The following VAV2 variants were observed in gnomAD, a reference collection of about 807,000 sequenced individuals.
VAV2 encodes the protein guanine nucleotide exchange factor VAV2.
VAV2 carries 67 observed loss-of-function variants against 132.5 expected under a neutral mutation model. That is an observed-to-expected ratio of 0.51 (90% CI 0.42 to 0.62). VAV2 has a LOEUF of 0.62. Among genes scored for constraint, VAV2 ranks in the 20% least tolerant of loss-of-function variants. VAV2 has a pLI of 0.00. For synonymous variants in VAV2, 492 were observed against 443.5 expected (o/e 1.11, Z -1.37); for missense variants, 938 against 1,153.6 (o/e 0.81, Z 2.71).
chr9:133,947,010 T>C (rs956282508), intron 1 of VAV2, among the ~76,000 whole-genome samples: 12 of 152,082 alleles, frequency 7.9e-5, no homozygotes, highest in African/African-American at 2.4e-4. Flanking sequence ...AATTAATGAA[T>C]GAACAAATGA....
At chr9:133,944,562 A>C (rs1166205118) in intron 1 of VAV2, among the ~76,000 whole-genome samples, 1 of 152,236 alleles carries the variant, frequency 6.6e-6, no homozygotes, top group Non-Finnish European at 1.5e-5. Context: ...CACCACCTGC[A>C]GAGCCTGTGA....
In VAV2 at chr9:133,768,532, C is replaced by T; in HGVS notation, c.2499G>A (p.Arg833=). The change falls in exon 29 of 30, where the codon AGG becomes AGA. Residue 833 remains arginine, a synonymous_variant. Transcript: ENST00000371850. This position sits in a 1 kb window ranked among gnomAD's most constrained non-coding sequence, Gnocchi z 5.3. ...ARYNFAARDM[R]ELSLREGDVV... ...CGTCACCCTCCCGCAGCGAAAGCTCCCTCATATCTCGGGCGGCAAAGTTAT... is the reference window on the plus strand; with the variant it reads ...CGTCACCCTCCCGCAGCGAAAGCTCTCTCATATCTCGGGCGGCAAAGTTAT... 1.9e-6 allele frequency: 3 copies of T among 1,614,054 alleles called. No homozygotes were observed. Among genetic ancestry groups the T allele is most frequent in the Admixed American group, 1.7e-5 (1 of 60,020 alleles).
chr9:133,862,671 G>A (rs774776229), intron 2 of VAV2, among the ~76,000 whole-genome samples: 2 of 152,196 alleles, frequency 1.3e-5, no homozygotes, highest in South Asian at 2.1e-4. Flanking sequence ...GGGTGCTGGC[G>A]TCATAGGAAC....
chr9:133,791,768 G>A lies in VAV2; in HGVS notation c.1188+15C>T. On this transcript the variant is annotated intron_variant, in intron 13 of 29. Coordinates refer to ENST00000371850, the MANE Select transcript of VAV2 (RefSeq NM_001134398.2). ...TCATCGACCTTCCCTAGCCTGAAGA[G>A]TCAGTCTCACTCACCAAATTTTCTA... is the stretch of plus-strand genomic sequence containing the variant. 6.2e-7 allele frequency: 1 copy of A among 1,611,134 alleles called. No individual in the cohort carries two copies.
At chr9:133,791,457 TGAAGGGGTCTTCTGTCTAGGCTTGGGGGA>T (rs1223352040) in intron 13 of VAV2, among the ~76,000 whole-genome samples, 1 of 152,120 alleles carries the variant, frequency 6.6e-6, no homozygotes, top group African/African-American at 2.4e-5. Flanking sequence ...CTCTTGGACT[TGAAGGGGTCTTCTGTCTAGGCTTGGGGGA>T]GAAGGGGGGC....
chr9:133,929,196 T>A (rs1050272968), intron 2 of VAV2, among the ~76,000 whole-genome samples: 1 of 152,078 alleles, frequency 6.6e-6, no homozygotes, highest in Non-Finnish European at 1.5e-5. Context: ...CTCAATGGTG[T>A]CTTCGTGGGT....
chr9:133,903,809 G>A (rs1839536912), intron 2 of VAV2, among the ~76,000 whole-genome samples: 1 of 152,142 alleles, frequency 6.6e-6, no homozygotes, highest in Non-Finnish European at 1.5e-5. Flanking sequence ...ACTTCGTCAG[G>A]TCCACACTGA....
chr9:133,806,228 C>G, intron 8 of VAV2, 47 bp from the exon 9 acceptor site: 2 of 1,575,160 alleles, frequency 1.3e-6, no homozygotes, highest in East Asian at 2.3e-5. Flanking sequence ...CCACCCAAGG[C>G]TAGACGGGAG....
At chr9:133,830,108 G>A in intron 4 of VAV2, among the ~76,000 whole-genome samples, 1 of 152,158 alleles carries the variant, frequency 6.6e-6, no homozygotes, top group East Asian at 1.9e-4. Context: ...AGGTTCCCTG[G>A]GAGACAAGCT....
chr9:133,781,971 C>G (rs758413510), intron 19 of VAV2, among the ~76,000 whole-genome samples: 1 of 152,146 alleles, frequency 6.6e-6, no homozygotes, highest in Non-Finnish European at 1.5e-5. Context: ...CTGCAGAAAG[C>G]AGGACAGTGC....
Position 133,859,623 on chromosome 9 carries a change from A to G in VAV2, c.380+1751T>C, listed in dbSNP as rs1170455732. On this transcript the variant is annotated intron_variant, in intron 3 of 29. Coordinates refer to ENST00000371850, the MANE Select transcript of VAV2 (RefSeq NM_001134398.2). ...AATCTCTTTCCTGCCTAATATGTAA[A>G]AAAAACAAAACAAAACAAAACAAAA... Among the ~76,000 whole-genome samples the G allele has an allele frequency of 2.6e-5, 4 of 152,196 alleles. No individual in the cohort carries two copies. In the South Asian group the frequency reaches 8.3e-4, roughly 32 times the overall value.
chr9:133,961,335 G>A lies in VAV2; in HGVS notation c.205-22116C>T, dbSNP rs2073829. Among the ~76,000 whole-genome samples the A allele has an allele frequency of 0.65, 98,593 of 152,088 alleles. 32,143 individuals carry two copies. The highest frequency in any genetic ancestry group is 0.76 in the East Asian group (3,935 of 5,158). On this transcript the variant is annotated intron_variant, in intron 1 of 29. Coordinates refer to ENST00000371850, the MANE Select transcript of VAV2 (RefSeq NM_001134398.2). This position sits in a 1 kb window ranked among gnomAD's most constrained non-coding sequence, Gnocchi z 4.1. ...ATGAGGGCTGAAGCTTCGGCCTGTG[G>A]CCAAGACACCATGGGCAGTGGAATG...
At chr9:133,922,161 G>C (rs1475676328) in intron 2 of VAV2, among the ~76,000 whole-genome samples, 3 of 152,246 alleles carry the variant, frequency 2.0e-5, no homozygotes, top group Non-Finnish European at 2.9e-5. Flanking sequence ...CCAGTCTTGG[G>C]AGGTGGTGGG....
At position 133,856,890 on chromosome 9, in the gene VAV2, G is replaced by T. The variant is rs987747570; in HGVS notation, c.380+4484C>A. ...TACATCTGCGAAAACCCTTTTCCTCGTCACACTCTCAGGGTTTGGGGGTTA... is the reference window on the plus strand; with the variant it reads ...TACATCTGCGAAAACCCTTTTCCTCTTCACACTCTCAGGGTTTGGGGGTTA... On this transcript the variant is annotated intron_variant, in intron 3 of 29. Coordinates refer to ENST00000371850, the MANE Select transcript of VAV2 (RefSeq NM_001134398.2). 7.9e-5 allele frequency among the ~76,000 whole-genome samples: 12 copies of T among 152,032 alleles called. 1 individual carries two copies. Among genetic ancestry groups the T allele is most frequent in the Non-Finnish European group, 1.6e-4 (11 of 68,016 alleles).
intron 3 of VAV2, among the ~76,000 whole-genome samples, chr9:133,852,137 G>GGGTT (rs1050662575): frequency 6.2e-4 from 94 of 152,188 alleles, no homozygotes; most frequent in African/African-American, 2.1e-3. Context: ...GTGGCTTGAT[G>GGGTT]GGTTGTAGGG....
chr9:133,764,837 C>T (rs1368582092), intron 29 of VAV2, among the ~76,000 whole-genome samples: 1 of 152,204 alleles, frequency 6.6e-6, no homozygotes, highest in African/African-American at 2.4e-5. Context: ...AACAGACACA[C>T]AGTCTGCAGA....
At chr9:133,775,955 C>G (rs1833794304) in intron 24 of VAV2, 73 bp downstream of exon 24, 6 of 1,532,318 alleles carry the variant, frequency 3.9e-6, no homozygotes, top group Non-Finnish European at 5.3e-6. Flanking sequence ...AGGCACCACC[C>G]AGACCCGGCG....
In VAV2 at chr9:133,769,413, G is replaced by A; in HGVS notation, c.2434+4C>T. ...TCCCCCCACGCCCTGGGGAGCAGCGGTACCTGACCAGAAGGGAGCGGAGGG... is the reference window on the plus strand; with the variant it reads ...TCCCCCCACGCCCTGGGGAGCAGCGATACCTGACCAGAAGGGAGCGGAGGG... On this transcript the variant is annotated splice_donor_region_variant and intron_variant, in intron 28 of 29. Transcript: ENST00000371850. The surrounding 1 kb of genome is among the most constrained non-coding windows in gnomAD (Gnocchi z 8.1). 2 of 1,610,300 alleles carry A rather than the reference G, an allele frequency of 1.2e-6. No homozygotes were observed. The highest frequency in any genetic ancestry group is 1.7e-6 in the Non-Finnish European group (2 of 1,178,554).
intron 3 of VAV2, among the ~76,000 whole-genome samples, chr9:133,836,150 C>T (rs1459212666): frequency 3.9e-5 from 6 of 152,220 alleles, no homozygotes; most frequent in Admixed American, 1.3e-4. Flanking sequence ...AGCCCCATGC[C>T]GACACAGATC....
Sources: allele counts gnomAD v4.1 joint callset (sites outside exome capture counted in the v4.1 genomes callset), GRCh38; gene constraint gnomAD v4.1.1; non-coding constraint Gnocchi (gnomAD v3.1); transcripts MANE v1.5; gene names NCBI Gene and HGNC (gene_info 2026-07-23, HGNC 2026-07-21).